The following DOCK11 variants were observed in gnomAD, a reference collection of about 807,000 sequenced individuals.
The protein encoded by DOCK11 is dedicator of cytokinesis 11.
A neutral mutation model predicts 169.1 loss-of-function variants in DOCK11; 70 were observed. The ratio of observed to expected loss-of-function variants is 0.41; its 90% confidence interval spans 0.34 to 0.51. The LOEUF is 0.51. DOCK11 is among the 20% of genes least tolerant of loss of function. The probability of loss-of-function intolerance (pLI) is 0.10; values close to 1 mark genes in which losing one functional copy is unlikely to be tolerated. For synonymous variants in DOCK11, 529 were observed against 541.3 expected, an observed-to-expected ratio of 0.98 and a Z score of 0.32; for missense variants, 1,166 against 1,538.8, an observed-to-expected ratio of 0.76 and a Z score of 4.05.
intron 22 of DOCK11, among the ~76,000 whole-genome samples, chrX:118,598,931 G>A (rs1387399394): frequency 8.9e-6 from 1 of 111,861 alleles, no homozygotes; most frequent in East Asian, 2.8e-4. Flanking sequence ...AGCTAGTTGG[G>A]CATAAATGGT....
Position 118,597,505 on chromosome X carries a change from A to G in DOCK11, c.2338A>G (p.Asn780Asp), listed in dbSNP as rs1287076759. The G allele has an allele frequency of 4.1e-6, 5 of 1,209,878 alleles. No individual in the cohort carries two copies. The highest frequency in any genetic ancestry group is 4.4e-5 in the Admixed American group (2 of 45,680). ...TFEQQLPVSANLPPGYLNLND... is the reference protein window; with the variant it reads ...TFEQQLPVSADLPPGYLNLND... ...TGAGCAGCAGCTGCCAGTTTCCGCC[A>G]ATCTTCCCCCAGGCTACTTGAATCT... Residue 780 changes from asparagine to aspartate, a missense_variant, in exon 21 of 53, where the codon AAT (asparagine) becomes GAT (aspartate). Physicochemically the swap from Asn to Asp is conservative, Grantham distance 23. Coordinates refer to ENST00000276202, the MANE Select transcript of DOCK11 (RefSeq NM_144658.4).
chrX:118,568,070 A>T lies in DOCK11; in HGVS notation c.952-9A>T. ...AATGAAGTAACATACTTATTTTTTAAAATTTTAGTATGGAAGAGAAACTGA... is the reference window on the plus strand; with the variant it reads ...AATGAAGTAACATACTTATTTTTTATAATTTTAGTATGGAAGAGAAACTGA... On this transcript the variant is annotated splice_polypyrimidine_tract_variant and intron_variant, in intron 9 of 52. Transcript: ENST00000276202. 9.2e-7 allele frequency: 1 copy of T among 1,082,664 alleles called. No individual in the cohort carries two copies. The highest frequency in any genetic ancestry group is 2.2e-5 in the South Asian group (1 of 46,223). The allele number at this position is 1,082,664 out of a possible 1,213,427, so 89.2% of individuals were successfully genotyped here. A position where few individuals can be genotyped will look rare whatever the true frequency, so the allele number is the denominator to read the frequency against.
rs200439818 is a variant in DOCK11 at position 118,624,111 on chromosome X, TACTC to T, written c.3472-426_3472-423del. Among the ~76,000 whole-genome samples the T allele has an allele frequency of 6.5e-4, 73 of 112,950 alleles. No homozygotes were observed. In the East Asian group the frequency reaches 0.011, roughly 17 times the overall value. On this transcript the variant is annotated intron_variant, in intron 31 of 52. Coordinates refer to ENST00000276202, the MANE Select transcript of DOCK11 (RefSeq NM_144658.4). ...TTACCATTTTTTCACTTCTTCCACT[TACTC>T]ATTCATTCCTTCAGCTAATATGTAT...
At chrX:118,608,459 C>T (rs1239949109) in intron 26 of DOCK11, 103 bp downstream of exon 26, 2 of 1,005,920 alleles carry the variant, frequency 2.0e-6, no homozygotes, top group Middle Eastern at 2.8e-4. Context: ...CACATGTGAC[C>T]CGTCCTTTCT....
chrX:118,506,254 CA>C (rs1290955598), intron 1 of DOCK11, among the ~76,000 whole-genome samples: 95 of 71,303 alleles, frequency 1.3e-3, no homozygotes, highest in Middle Eastern at 8.4e-3. Flanking sequence ...GACCCTGTCT[CA>C]AAAAAAAAAA....
At chrX:118,608,461 G>A (rs2014595670) in intron 26 of DOCK11, 105 bp downstream of exon 26, 21 of 996,875 alleles carry the variant, frequency 2.1e-5, no homozygotes, top group Non-Finnish European at 2.6e-5. Context: ...CATGTGACCC[G>A]TCCTTTCTCC....
intron 1 of DOCK11, among the ~76,000 whole-genome samples, chrX:118,512,258 G>T (rs1403498735): frequency 8.9e-6 from 1 of 112,160 alleles, no homozygotes; most frequent in Non-Finnish European, 1.9e-5. Context: ...AGGAGGAATG[G>T]TGGAAGGCAA....
chrX:118,533,172 G>C (rs764499090), intron 1 of DOCK11, among the ~76,000 whole-genome samples: 2 of 110,473 alleles, frequency 1.8e-5, no homozygotes, highest in Non-Finnish European at 3.8e-5. Context: ...TTATATTTTT[G>C]GTAGAGACAG....
chrX:118,541,261 C>T (rs972893795), intron 1 of DOCK11, among the ~76,000 whole-genome samples: 2 of 111,802 alleles, frequency 1.8e-5, no homozygotes, highest in African/African-American at 6.5e-5. Flanking sequence ...TTCCGCCCCC[C>T]GCTCCCCCGC....
intron 1 of DOCK11, among the ~76,000 whole-genome samples, chrX:118,505,217 G>T (rs1365394856): frequency 4.5e-5 from 5 of 111,816 alleles, no homozygotes. Context: ...TATAGAGACA[G>T]GGTTTTGCCA....
At position 118,568,170 on chromosome X, in the gene DOCK11, T is replaced by A; in HGVS notation, c.1035+8T>A. Reference sequence around the variant, plus strand: ...TTTGATTCAGAAGTTCAGGTATTAATGATACATTTCTTTAATAGTCCTAGA... The same window carrying A: ...TTTGATTCAGAAGTTCAGGTATTAAAGATACATTTCTTTAATAGTCCTAGA... On this transcript the variant is annotated splice_region_variant and intron_variant, in intron 10 of 52. Coordinates refer to ENST00000276202, the MANE Select transcript of DOCK11 (RefSeq NM_144658.4). The A allele has an allele frequency of 9.4e-7, 1 of 1,058,785 alleles. No homozygotes were observed. Among genetic ancestry groups the A allele is most frequent in the Non-Finnish European group, 1.3e-6 (1 of 782,257 alleles). The allele number at this position is 1,058,785 out of a possible 1,213,427, so 87.3% of individuals were successfully genotyped here.
chrX:118,572,504 A>G, intron 11 of DOCK11, 41 bp downstream of exon 11: 1 of 1,119,560 alleles, frequency 8.9e-7, no homozygotes, highest in African/African-American at 1.8e-5. Context: ...GCATCAGTGC[A>G]TTAAAGAAAT....
Position 118,556,462 on chromosome X carries a change from C to G in DOCK11, c.559-4921C>G, listed in dbSNP as rs753229905. 8.3e-5 allele frequency among the ~76,000 whole-genome samples: 9 copies of G among 108,845 alleles called. No homozygotes were observed. In the East Asian group the frequency reaches 2.6e-3, roughly 32 times the overall value. The allele number at this position is 108,845 out of a possible 115,157, so 94.5% of individuals were successfully genotyped here. A position where few individuals can be genotyped will look rare whatever the true frequency, so the allele number is the denominator to read the frequency against. Reference sequence around the variant, plus strand: ...TCCAGAAGGGGTTCAAAAAGGTTGTCATCTGGCCAGGCACGGTAGCTCACA... The same window carrying G: ...TCCAGAAGGGGTTCAAAAAGGTTGTGATCTGGCCAGGCACGGTAGCTCACA... On this transcript the variant is annotated intron_variant, in intron 6 of 52. Transcript: ENST00000276202.
intron 1 of DOCK11, among the ~76,000 whole-genome samples, chrX:118,506,187 C>T (rs779650248): frequency 4.6e-5 from 5 of 107,934 alleles, no homozygotes; most frequent in Admixed American, 3.0e-4. Context: ...CCCAGGAGTT[C>T]GAGGCTGCAG....
At chrX:118,622,501 T>A (rs2014999464) in intron 31 of DOCK11, among the ~76,000 whole-genome samples, 1 of 111,734 alleles carries the variant, frequency 8.9e-6, no homozygotes, top group Non-Finnish European at 1.9e-5. Context: ...TGTTTTCCTG[T>A]GTTCCTGCTT....
chrX:118,679,026 A>C (rs1364074392), intron 48 of DOCK11, among the ~76,000 whole-genome samples: 1 of 110,982 alleles, frequency 9.0e-6, no homozygotes, highest in Non-Finnish European at 1.9e-5. Context: ...TCCTGGGTTC[A>C]AGCAATCCTC....
At chrX:118,516,379 G>A (rs2057688382) in intron 1 of DOCK11, among the ~76,000 whole-genome samples, 1 of 102,738 alleles carries the variant, frequency 9.7e-6, no homozygotes, top group South Asian at 4.6e-4. Context: ...ACAGGCGTGA[G>A]CCACTGCACC....
At chrX:118,675,893 T>C in intron 46 of DOCK11, 43 bp from the exon 47 acceptor site, 1 of 836,690 alleles carries the variant, frequency 1.2e-6, no homozygotes, top group African/African-American at 2.1e-5. Flanking sequence ...CATTTAGTAA[T>C]TAAACAAAAA....
intron 16 of DOCK11, among the ~76,000 whole-genome samples, chrX:118,587,115 A>G (rs1261762496): frequency 8.9e-6 from 1 of 112,173 alleles, no homozygotes; most frequent in African/African-American, 3.2e-5. Context: ...TCAGAATCCA[A>G]CACTGTCAGT....
Sources: gnomAD v4.1 joint callset for allele counts (sites outside exome capture counted in the v4.1 genomes callset) on GRCh38, gnomAD v4.1.1 for gene constraint, MANE v1.5 for transcripts, NCBI Gene and HGNC (gene_info 2026-07-23, HGNC 2026-07-21) for gene names.